Variants in WHRN observed in about 807,000 individuals in gnomAD.
WHRN encodes whirlin, also known as CASK-interacting protein CIP98.
A neutral mutation model predicts 68.3 loss-of-function variants in WHRN; 41 were observed. That is an observed-to-expected ratio of 0.60 (90% CI 0.47 to 0.78). WHRN has a LOEUF of 0.78. WHRN is among the 30% of genes least tolerant of loss of function. WHRN has a pLI of 0.00. For synonymous variants in WHRN, 560 were observed against 561.3 expected, an observed-to-expected ratio of 1.00 and a Z score of 0.03; for missense variants, 1,243 against 1,244.7, an observed-to-expected ratio of 1.00 and a Z score of 0.02.
intron 1 of WHRN, chr9:114,503,312 ACTT>A: frequency 1.8e-6 from 1 of 558,358 alleles, no homozygotes; most frequent in Non-Finnish European, 2.3e-6. Context: ...CAAACTCTTC[ACTT>A]CTTGTACGCA....
chr9:114,462,477 G>A (rs7852132), intron 3 of WHRN, among the ~76,000 whole-genome samples: 39,296 of 152,084 alleles, frequency 0.26, 5,281 homozygotes, highest in East Asian at 0.31. Context: ...TCACACAGCC[G>A]GTCAGTGGAG....
rs374781072 is a variant in WHRN, at chr9:114,477,069, TGGCAACCTTGACGCGGCCCG to T, written c.837+1464_837+1483del. 3.0e-4 allele frequency among the ~76,000 whole-genome samples: 45 copies of T among 152,302 alleles called. 1 individual carries two copies. The highest frequency in any genetic ancestry group is 1.0e-3 in the African/African-American group (42 of 41,556). On this transcript the variant is annotated intron_variant, in intron 2 of 11. Transcript: ENST00000362057. Reference sequence around the variant, plus strand: ...GAGAGGGTACGAGCCCACCCAGCCCTGGCAACCTTGACGCGGCCCGGGCTGCTGTGGTGCATACCAACAAG... The same window carrying T: ...GAGAGGGTACGAGCCCACCCAGCCCTGGCTGCTGTGGTGCATACCAACAAG...
intron 1 of WHRN, among the ~76,000 whole-genome samples, chr9:114,502,777 G>T (rs1844039224): frequency 6.6e-6 from 1 of 152,170 alleles, no homozygotes; most frequent in African/African-American, 2.4e-5. Flanking sequence ...ATGATCATTT[G>T]CCTCAAGTAT....
intron 3 of WHRN, among the ~76,000 whole-genome samples, chr9:114,466,036 T>C (rs1012090851): frequency 3.9e-5 from 6 of 152,204 alleles, no homozygotes; most frequent in African/African-American, 1.4e-4. Context: ...TCAGCAGTGT[T>C]TGCAAAACAG....
At chr9:114,471,660 G>A (rs1336855510) in intron 2 of WHRN, among the ~76,000 whole-genome samples, 2 of 152,202 alleles carry the variant, frequency 1.3e-5, no homozygotes, top group Non-Finnish European at 2.9e-5. Context: ...CCTCGACTAG[G>A]TCCAAGAGGC....
At position 114,478,544 on chromosome 9, in the gene WHRN, C is replaced by T. The variant is rs1032547196; in HGVS notation, c.837+9G>A. On this transcript the variant is annotated intron_variant, in intron 2 of 11. Transcript: ENST00000362057. ...TGAGAGGCTGGCCTCCTTTCCCCAC[C>T]CCACTCACCTTTTTCTCATCCCCTC... 3.7e-6 allele frequency: 6 copies of T among 1,613,972 alleles called. No homozygotes were observed. Among genetic ancestry groups the T allele is most frequent in the Middle Eastern group, 1.6e-4 (1 of 6,084 alleles).
At chr9:114,440,575 A>G (rs1838287191) in intron 3 of WHRN, among the ~76,000 whole-genome samples, 1 of 152,218 alleles carries the variant, frequency 6.6e-6, no homozygotes, top group African/African-American at 2.4e-5. Flanking sequence ...TTACATACAC[A>G]AACCCTTGCA....
At chr9:114,403,491 C>A (rs1375963753) in intron 10 of WHRN, 152 bp from the exon 11 acceptor site, 1 of 1,040,074 alleles carries the variant, frequency 9.6e-7, no homozygotes, top group Admixed American at 2.0e-5. Flanking sequence ...CTAAGCCAAG[C>A]ACTTGTGTTC....
intron 2 of WHRN, among the ~76,000 whole-genome samples, chr9:114,466,597 G>GC (rs888174987): frequency 6.6e-6 from 1 of 152,174 alleles, no homozygotes; most frequent in Non-Finnish European, 1.5e-5. Context: ...CCTTGAGGAA[G>GC]CCCCTCACCC....
At chr9:114,438,488 T>C (rs1006542894) in intron 3 of WHRN, among the ~76,000 whole-genome samples, 4 of 148,262 alleles carry the variant, frequency 2.7e-5, no homozygotes, top group Non-Finnish European at 6.0e-5. Context: ...AGTCTCACTC[T>C]GTCACCCAGG....
chr9:114,431,321 G>C (rs1193960817), intron 3 of WHRN, among the ~76,000 whole-genome samples: 1 of 152,218 alleles, frequency 6.6e-6, no homozygotes, highest in African/African-American at 2.4e-5. Context: ...CAGAGCCTGA[G>C]ACACATCAGG....
chr9:114,424,667 T>A, intron 5 of WHRN, 121 bp from the exon 6 acceptor site: 1 of 1,140,526 alleles, frequency 8.8e-7, no homozygotes, highest in Non-Finnish European at 1.3e-6. Flanking sequence ...TTATTCTCCC[T>A]CATAACCCCC....
chr9:114,429,664 T>C (rs1016064955), intron 3 of WHRN, among the ~76,000 whole-genome samples: 2 of 152,204 alleles, frequency 1.3e-5, no homozygotes, highest in Non-Finnish European at 2.9e-5. Flanking sequence ...ACCCAACACC[T>C]GGCTCGGGGC....
intron 3 of WHRN, among the ~76,000 whole-genome samples, chr9:114,431,036 C>T (rs1837377171): frequency 6.6e-6 from 1 of 152,228 alleles, no homozygotes; most frequent in African/African-American, 2.4e-5. Flanking sequence ...TACACGATCA[C>T]TGTGATGTAG....
At chr9:114,440,903 G>C (rs541666094) in intron 3 of WHRN, among the ~76,000 whole-genome samples, 21 of 152,226 alleles carry the variant, frequency 1.4e-4, no homozygotes, top group African/African-American at 4.8e-4. Context: ...TAACACCATA[G>C]GATCCCTATG....
intron 1 of WHRN, among the ~76,000 whole-genome samples, chr9:114,486,814 CAAA>C (rs59992011): frequency 9.8e-5 from 7 of 71,208 alleles, no homozygotes; most frequent in African/African-American, 3.6e-4. Flanking sequence ...GCTTCCCAGG[CAAA>C]AAAAAAAAAA....
At chr9:114,483,832 G>C (rs905088641) in intron 1 of WHRN, among the ~76,000 whole-genome samples, 2 of 152,194 alleles carry the variant, frequency 1.3e-5, no homozygotes, top group African/African-American at 4.8e-5. Context: ...CTGATTCAGG[G>C]CTGTATTTAG....
intron 2 of WHRN, among the ~76,000 whole-genome samples, chr9:114,476,501 A>G (rs1454953180): frequency 6.6e-6 from 1 of 151,906 alleles, no homozygotes; most frequent in African/African-American, 2.4e-5. Context: ...GATCACCTCA[A>G]TCAAAACAGC....
chr9:114,504,469 G>C lies in WHRN; in HGVS notation c.333C>G (p.Ala111=), dbSNP rs1332971812. The change falls in exon 1 of 12, where the codon GCC becomes GCG. Residue 111 remains alanine, a synonymous_variant. Coordinates refer to ENST00000362057, the MANE Select transcript of WHRN (RefSeq NM_015404.4). ...TGGTGGCGGGCAGGTAGAGGCCCTCGGCCGTGTATTGGTCGAAGAGCAGCT... is the reference window on the plus strand; with the variant it reads ...TGGTGGCGGGCAGGTAGAGGCCCTCCGCCGTGTATTGGTCGAAGAGCAGCT... ...SDQLLFDQYT[A]EGLYLPATTP... The C allele has an allele frequency of 6.2e-7, 1 of 1,608,092 alleles. No individual in the cohort carries two copies.
Sources: gnomAD v4.1 joint callset for allele counts (sites outside exome capture counted in the v4.1 genomes callset) on GRCh38, gnomAD v4.1.1 for gene constraint, MANE v1.5 for transcripts, NCBI Gene and HGNC (gene_info 2026-07-23, HGNC 2026-07-21) for gene names.